The following NKAIN1 variants were observed in gnomAD, a reference collection of about 807,000 sequenced individuals.
NKAIN1 encodes the protein sodium/potassium transporting ATPase interacting 1.
Under a neutral mutation model 31.6 loss-of-function variants are expected in NKAIN1, and 13 were observed. The observed-to-expected ratio is 0.41, with a 90% CI of 0.27 to 0.65. NKAIN1 has a LOEUF of 0.65. Ranked by LOEUF, NKAIN1 falls within the 30% of genes least tolerant of loss-of-function variation. The probability of loss-of-function intolerance (pLI) is 0.30; values close to 1 mark genes in which losing one functional copy is unlikely to be tolerated. For missense variants in NKAIN1, 193 were observed against 262.2 expected (o/e 0.74, Z 1.82); for synonymous variants, 104 against 109.0 (o/e 0.95, Z 0.28).
intron 4 of NKAIN1, 80 bp from the exon 5 acceptor site, chr1:31,182,670 C>G: frequency 6.6e-7 from 1 of 1,513,330 alleles, no homozygotes; most frequent in Non-Finnish European, 9.1e-7. Context: ...CCTGTACGCT[C>G]TGACTGGCAA....
intron 1 of NKAIN1, among the ~76,000 whole-genome samples, chr1:31,236,863 G>A (rs572869275): frequency 7.2e-5 from 11 of 152,310 alleles, no homozygotes; most frequent in African/African-American, 2.6e-4. Context: ...CTAGAGCCAT[G>A]AGCTCCTTCC....
chr1:31,224,072 A>T (rs1335850958), intron 1 of NKAIN1, among the ~76,000 whole-genome samples: 1 of 152,174 alleles, frequency 6.6e-6, no homozygotes, highest in African/African-American at 2.4e-5. Flanking sequence ...GGGATGAGGC[A>T]TCTCCCTGTA....
rs868765608 is a variant in NKAIN1 at position 31,230,885 on chromosome 1, T to A, written c.54+8609A>T. ...AATCATACTCTTTGGGTTATTTTTT[T>A]TTTTTTTTTTTTTTGAGACGGAGTT... is the stretch of plus-strand genomic sequence containing the variant. On this transcript the variant is annotated intron_variant, in intron 1 of 6. Coordinates refer to ENST00000373736, the MANE Select transcript of NKAIN1 (RefSeq NM_024522.3). Among the ~76,000 whole-genome samples, 604 of 147,958 alleles carry A rather than the reference T, an allele frequency of 4.1e-3. 3 individuals are homozygous for A. Among genetic ancestry groups the A allele is most frequent in the Middle Eastern group, 0.01 (3 of 294 alleles).
intron 1 of NKAIN1, among the ~76,000 whole-genome samples, chr1:31,237,560 C>T (rs1455966173): frequency 6.6e-6 from 1 of 151,294 alleles, no homozygotes; most frequent in Admixed American, 6.6e-5. Flanking sequence ...AGTGCAGCGG[C>T]GTGATCTCAT....
chr1:31,216,674 C>T (rs1031516275), intron 1 of NKAIN1, among the ~76,000 whole-genome samples: 5 of 88,498 alleles, frequency 5.6e-5, no homozygotes, highest in Non-Finnish European at 1.0e-4. Context: ...CTCCTAGGAA[C>T]GCCTGTGGCA....
At chr1:31,216,162 C>A (rs1003576248) in intron 1 of NKAIN1, among the ~76,000 whole-genome samples, 1 of 151,544 alleles carries the variant, frequency 6.6e-6, no homozygotes, top group Non-Finnish European at 1.5e-5. Context: ...CACGGGGGAA[C>A]GGAATGGAAC....
Position 31,239,648 on chromosome 1 carries a change from CGCCGGG to C in NKAIN1, c.-107_-102del, listed in dbSNP as rs1375145452. The C allele has an allele frequency of 1.7e-6, 1 of 583,724 alleles. No individual in the cohort carries two copies. Among genetic ancestry groups the C allele is most frequent in the African/African-American group, 2.0e-5 (1 of 49,190 alleles). 36.2% of individuals were successfully genotyped at this position (583,724 alleles called of 1,614,324 possible). ...GGCTCCACGTCCTCCCCGCTGGGCGCGCCGGGCGGCGGGGCCGGGCGCCTAGGGCCG... is the reference window on the plus strand; with the variant it reads ...GGCTCCACGTCCTCCCCGCTGGGCGCCGGCGGGGCCGGGCGCCTAGGGCCG... On this transcript the variant is annotated 5_prime_UTR_variant, in exon 1 of 7. Transcript: ENST00000373736. The surrounding 1 kb of genome is among the most constrained non-coding windows in gnomAD (Gnocchi z 4.8).
At chr1:31,200,991 C>G (rs1204614749) in intron 1 of NKAIN1, among the ~76,000 whole-genome samples, 1 of 152,122 alleles carries the variant, frequency 6.6e-6, no homozygotes, top group African/African-American at 2.4e-5. Context: ...TGCCACCATG[C>G]CTGGCTAATT....
chr1:31,229,862 G>C (rs922476679), intron 1 of NKAIN1, among the ~76,000 whole-genome samples: 3 of 152,164 alleles, frequency 2.0e-5, no homozygotes, highest in African/African-American at 4.8e-5. Context: ...CCTTTGAGAT[G>C]ATGAGTCCAA....
At chr1:31,184,173 G>C (rs1335931869) in intron 3 of NKAIN1, among the ~76,000 whole-genome samples, 159 bp from the exon 4 acceptor site, 2 of 152,090 alleles carry the variant, frequency 1.3e-5, no homozygotes, top group Non-Finnish European at 2.9e-5. Context: ...GACCACACAG[G>C]CCTCACTCTT....
At chr1:31,193,664 C>T (rs1038940511) in intron 1 of NKAIN1, among the ~76,000 whole-genome samples, 1 of 151,930 alleles carries the variant, frequency 6.6e-6, no homozygotes, top group African/African-American at 2.4e-5. Context: ...CCCTTGCACT[C>T]CAGCCTGGGT....
chr1:31,214,527 G>A (rs1178014058), intron 1 of NKAIN1, among the ~76,000 whole-genome samples: 1 of 151,918 alleles, frequency 6.6e-6, no homozygotes, highest in Non-Finnish European at 1.5e-5. Flanking sequence ...CAGTGTATGT[G>A]TACATGTGTA....
chr1:31,238,441 G>A (rs1372967314), intron 1 of NKAIN1, among the ~76,000 whole-genome samples: 2 of 152,172 alleles, frequency 1.3e-5, no homozygotes, highest in Non-Finnish European at 2.9e-5. Flanking sequence ...TCTGCCTAGA[G>A]GAGAAGCACA....
Position 31,232,424 on chromosome 1 carries a change from T to TGG in NKAIN1, c.54+7069_54+7070insCC, listed in dbSNP as rs1553164386. On this transcript the variant is annotated intron_variant, in intron 1 of 6. Transcript: ENST00000373736. ...ATATATATATATATATATATATATA[T>TGG]AGAGAGAGAGAGAGAGAGAGAGAGA... 2.3e-3 allele frequency among the ~76,000 whole-genome samples: 39 copies of TGG among 16,924 alleles called. 4 individuals are homozygous for TGG. Among genetic ancestry groups the TGG allele is most frequent in the Admixed American group, 7.8e-3 (7 of 900 alleles). The allele number at this position is 16,924 out of a possible 152,430, so 11.1% of individuals were successfully genotyped here.
At chr1:31,193,214 G>A (rs939711444) in intron 1 of NKAIN1, among the ~76,000 whole-genome samples, 7 of 151,318 alleles carry the variant, frequency 4.6e-5, no homozygotes, top group Admixed American at 1.3e-4. Flanking sequence ...GACTACAGGC[G>A]CCCGCCACCA....
At chr1:31,218,531 CCT>C (rs1415637538) in intron 1 of NKAIN1, among the ~76,000 whole-genome samples, 2 of 152,154 alleles carry the variant, frequency 1.3e-5, no homozygotes, top group Non-Finnish European at 2.9e-5. Flanking sequence ...GGGCAACTTG[CCT>C]CTGTTCACAC....
intron 1 of NKAIN1, among the ~76,000 whole-genome samples, chr1:31,218,074 T>TCTTTCTTTCTTTCTTTCTCTTTCTTTC (rs1570472285): frequency 1.3e-5 from 2 of 148,278 alleles, no homozygotes; most frequent in African/African-American, 5.1e-5. Flanking sequence ...CTTTCTTTTT[T>TCTTTCTTTCTTTCTTTCTCTTTCTTTC]TTTTTTGAGA....
At chr1:31,229,275 G>A (rs535385256) in intron 1 of NKAIN1, among the ~76,000 whole-genome samples, 40 of 152,280 alleles carry the variant, frequency 2.6e-4, no homozygotes, top group African/African-American at 9.1e-4. Context: ...CTGTAGTTCA[G>A]GAAGCTCACC....
chr1:31,208,641 G>GT (rs148179544), intron 1 of NKAIN1, among the ~76,000 whole-genome samples: 32 of 150,794 alleles, frequency 2.1e-4, no homozygotes, highest in Middle Eastern at 3.4e-3. Flanking sequence ...GGGGGAGGGG[G>GT]CCCTGGAAAC....
Sources: gnomAD v4.1 joint callset for allele counts (sites outside exome capture counted in the v4.1 genomes callset) on GRCh38, gnomAD v4.1.1 for gene constraint, Gnocchi (gnomAD v3.1) non-coding constraint, MANE v1.5 for transcripts, NCBI Gene and HGNC (gene_info 2026-07-23, HGNC 2026-07-21) for gene names.